SMC3: variants seen among roughly 807,000 people sequenced by gnomAD.
SMC3 encodes the protein structural maintenance of chromosomes 3, also known as structural maintenance of chromosomes protein 3.
Under a neutral mutation model 171.8 loss-of-function variants are expected in SMC3, and 20 were observed. That is an observed-to-expected ratio of 0.12 (90% CI 0.08 to 0.17). The LOEUF (loss-of-function observed/expected upper bound fraction) is 0.17. SMC3 is among the 10% of genes least tolerant of loss of function. The pLI, the probability that SMC3 is intolerant of heterozygous loss-of-function variation, is 1.00. For synonymous variants in SMC3, 464 were observed against 451.1 expected (o/e 1.03, Z -0.36); for missense variants, 543 against 1,420.4 (o/e 0.38, Z 9.93).
intron 13 of SMC3, among the ~76,000 whole-genome samples, chr10:110,586,544 C>CTT (rs1861119369): frequency 6.6e-6 from 1 of 152,174 alleles, no homozygotes; most frequent in South Asian, 2.1e-4. Flanking sequence ...TTTTGTCATG[C>CTT]TTGAAGTTCA....
Position 110,578,660 on chromosome 10 carries a change from C to T in SMC3, c.383C>T (p.Ala128Val). The T allele has an allele frequency of 6.2e-7, 1 of 1,610,948 alleles. No individual in the cohort carries two copies. The highest frequency in any genetic ancestry group is 8.5e-7 in the Non-Finnish European group (1 of 1,178,152). Residue 128 changes from alanine to valine, a missense_variant, in exon 7 of 29, where the codon GCT becomes GTT. Around this residue, in one of 8 missense-constraint regions of SMC3, gnomAD observed 146 missense variants for 437.9 expected, o/e 0.33. Coordinates refer to ENST00000361804, the MANE Select transcript of SMC3 (RefSeq NM_005445.4). ...GATGTGATGAACCTCCTTGAAAGCG[C>T]TGGTTTTTCTCGAAGCAATCCTTAT... ...KNDVMNLLES[A>V]GFSRSNPYYI... is the part of the protein sequence containing the mutation.
At chr10:110,586,117 G>T (rs1407240081) in intron 13 of SMC3, among the ~76,000 whole-genome samples, 1 of 152,138 alleles carries the variant, frequency 6.6e-6, no homozygotes, top group Admixed American at 6.5e-5. Context: ...ATAGTGATTT[G>T]CCCACTTTAA....
intron 11 of SMC3, 117 bp downstream of exon 11, chr10:110,583,665 A>C (rs1317731066): frequency 1.0e-5 from 13 of 1,246,370 alleles, no homozygotes; most frequent in Non-Finnish European, 1.5e-5. Flanking sequence ...TTGCTACGTT[A>C]GCATAATTTG....
chr10:110,568,797 C>A, intron 1 of SMC3, 141 bp from the exon 2 acceptor site: 2 of 629,480 alleles, frequency 3.2e-6, no homozygotes, highest in Non-Finnish European at 5.6e-6. Flanking sequence ...TTTTTAATCA[C>A]CACTTTCCAA....
Position 110,584,342 on chromosome 10 carries a change from T to C in SMC3, c.1251T>C (p.His417=). 6.2e-7 allele frequency: 1 copy of C among 1,614,036 alleles called. No individual in the cohort carries two copies. The highest frequency in any genetic ancestry group is 8.5e-7 in the Non-Finnish European group (1 of 1,179,956). The part of the protein sequence containing the change: ...NDKKRQIAAI[H]KDLEDTEANK... ...AGAAAAGACAGATTGCTGCTATACATAAGGATTTGGAAGACACTGAAGCAA... is the reference window on the plus strand; with the variant it reads ...AGAAAAGACAGATTGCTGCTATACACAAGGATTTGGAAGACACTGAAGCAA... Residue 417 remains histidine, a synonymous_variant, in exon 13 of 29, where the codon CAT becomes CAC. Coordinates refer to ENST00000361804, the MANE Select transcript of SMC3 (RefSeq NM_005445.4).
intron 4 of SMC3, among the ~76,000 whole-genome samples, chr10:110,575,721 G>A (rs933120293): frequency 2.0e-5 from 3 of 152,164 alleles, no homozygotes; most frequent in African/African-American, 7.2e-5. Context: ...AGCCTAACAT[G>A]TTAATGCCAG....
intron 2 of SMC3, among the ~76,000 whole-genome samples, chr10:110,572,109 A>G (rs1307002838): frequency 6.6e-6 from 1 of 152,208 alleles, no homozygotes; most frequent in African/African-American, 2.4e-5. Context: ...GAGACTACTC[A>G]TAAACCCTTT....
At chr10:110,568,289 C>T (rs1441734086) in intron 1 of SMC3, 4 of 190,926 alleles carry the variant, frequency 2.1e-5, no homozygotes, top group Non-Finnish European at 3.2e-5. Flanking sequence ...GGGGCATTGG[C>T]TGGGGTGTCG....
chr10:110,601,960 T>C lies in SMC3; in HGVS notation c.2893-6T>C, dbSNP rs1267428456. The C allele has an allele frequency of 6.2e-7, 1 of 1,611,968 alleles. No individual in the cohort carries two copies. Among genetic ancestry groups the C allele is most frequent in the African/African-American group, 1.3e-5 (1 of 74,852 alleles). On this transcript the variant is annotated splice_region_variant and splice_polypyrimidine_tract_variant and intron_variant, in intron 24 of 28. Transcript: ENST00000361804. ...ATTTATATGAATACATATTTTCTCTTTATAGTTGTTTCGAAAACTTGAGCA... is the reference window on the plus strand; with the variant it reads ...ATTTATATGAATACATATTTTCTCTCTATAGTTGTTTCGAAAACTTGAGCA...
At chr10:110,603,591 C>CT (rs1861420662) in intron 28 of SMC3, among the ~76,000 whole-genome samples, 1 of 152,164 alleles carries the variant, frequency 6.6e-6, no homozygotes, top group South Asian at 2.1e-4. Flanking sequence ...CTGCATAGCT[C>CT]TTCCTGGGTG....
Position 110,598,055 on chromosome 10 carries a change from G to A in SMC3, c.2117-84G>A, listed in dbSNP as rs11195210. 88,288 of 1,236,836 alleles carry A rather than the reference G, an allele frequency of 0.071. 3,622 individuals are homozygous for A. The highest frequency in any genetic ancestry group is 0.16 in the East Asian group (6,931 of 42,670). The allele number at this position is 1,236,836 out of a possible 1,614,324, so 76.6% of individuals were successfully genotyped here. ...TTATTTGGGGGTAAAGAAAAGGAAG[G>A]GATACATGGTGTTGTGTCTAAAAAG... is the stretch of plus-strand genomic sequence containing the variant. On this transcript the variant is annotated intron_variant, in intron 19 of 28. Transcript: ENST00000361804.
intron 2 of SMC3, among the ~76,000 whole-genome samples, chr10:110,571,261 A>G (rs1170888618): frequency 6.6e-6 from 1 of 152,228 alleles, no homozygotes; most frequent in Non-Finnish European, 1.5e-5. Flanking sequence ...CAGCACAGAC[A>G]GGATTAGCTG....
chr10:110,594,454 T>C (rs1443801969), intron 18 of SMC3, among the ~76,000 whole-genome samples: 2 of 152,102 alleles, frequency 1.3e-5, no homozygotes, highest in Non-Finnish European at 2.9e-5. Flanking sequence ...AATATGAAAA[T>C]AGCTCTTCTT....
At position 110,575,244 on chromosome 10, in the gene SMC3, A is replaced by G. The variant is rs1564788343; in HGVS notation, c.131-92A>G. 5.6e-6 allele frequency: 5 copies of G among 890,038 alleles called. No individual in the cohort carries two copies. In the East Asian group the frequency reaches 1.3e-4, roughly 22 times the overall value. 55.1% of individuals were successfully genotyped at this position (890,038 alleles called of 1,614,324 possible). A position where few individuals can be genotyped will look rare whatever the true frequency, so the allele number is the denominator to read the frequency against. On this transcript the variant is annotated intron_variant, in intron 3 of 28. Coordinates refer to ENST00000361804, the MANE Select transcript of SMC3 (RefSeq NM_005445.4). ...TAATTTATTTGCATTGTCTATTACC[A>G]GACACACTATGTTCTATTGAGGTGT...
intron 7 of SMC3, 43 bp downstream of exon 7, chr10:110,578,749 G>T: frequency 6.9e-7 from 1 of 1,440,200 alleles, no homozygotes; most frequent in South Asian, 1.2e-5. Context: ...TTTGTTTTCT[G>T]AGTAATTCTT....
chr10:110,579,940 T>A (rs1861007762), intron 7 of SMC3, among the ~76,000 whole-genome samples: 2 of 152,216 alleles, frequency 1.3e-5, no homozygotes, highest in Admixed American at 6.5e-5. Flanking sequence ...CCATTCTCTC[T>A]ATATTTAAAG....
At position 110,568,923 on chromosome 10, in the gene SMC3, T is replaced by C; in HGVS notation, c.16-15T>C. ...TTTGTGGGGTGGGTTCTCAAAAATG[T>C]TTTTTATTTACTAGGTGATTATCCA... On this transcript the variant is annotated splice_polypyrimidine_tract_variant and intron_variant, in intron 1 of 28. Transcript: ENST00000361804. 6.6e-7 allele frequency: 1 copy of C among 1,521,164 alleles called. No homozygotes were observed. Among genetic ancestry groups the C allele is most frequent in the South Asian group, 1.1e-5 (1 of 89,062 alleles). 94.2% of individuals were successfully genotyped at this position (1,521,164 alleles called of 1,614,324 possible).
intron 17 of SMC3, among the ~76,000 whole-genome samples, chr10:110,592,400 G>A (rs1160290182): frequency 6.6e-6 from 1 of 152,152 alleles, no homozygotes; most frequent in African/African-American, 2.4e-5. Context: ...CATGACTTCT[G>A]GGGTGTCAGC....
At position 110,586,328 on chromosome 10, in the gene SMC3, C is replaced by T. The variant is rs750782577; in HGVS notation, c.1305+1932C>T. ...AGCCTGCTGTTTTTGGAAGTCCAGT[C>T]GTGCTGTGGGTTTTAGTTGTGATAC... On this transcript the variant is annotated intron_variant, in intron 13 of 28. Transcript: ENST00000361804. Among the ~76,000 whole-genome samples the T allele has an allele frequency of 2.1e-4, 32 of 152,094 alleles. 1 individual carries two copies. The highest frequency in any genetic ancestry group is 3.8e-4 in the Non-Finnish European group (26 of 68,026).
Sources: allele counts gnomAD v4.1 joint callset (sites outside exome capture counted in the v4.1 genomes callset), GRCh38; gene constraint gnomAD v4.1.1; regional missense constraint gnomAD v4.1.1; transcripts MANE v1.5; gene names NCBI Gene and HGNC (gene_info 2026-07-23, HGNC 2026-07-21).